The following OXR1 variants were observed in gnomAD, a reference collection of about 807,000 sequenced individuals.
OXR1 encodes the protein oxidation resistance 1.
In OXR1, 41 loss-of-function variants were observed where a neutral mutation model predicts 104.6. The observed-to-expected ratio is 0.39, with a 90% confidence interval of 0.31 to 0.51. The LOEUF (loss-of-function observed/expected upper bound fraction) is 0.51. Among genes scored for constraint, OXR1 ranks in the 20% least tolerant of loss-of-function variants. OXR1 has a pLI of 0.77. For synonymous variants in OXR1, 348 were observed against 348.4 expected (o/e 1.00, Z 0.01); for missense variants, 955 against 1,031.9 (o/e 0.93, Z 1.02).
chr8:106,314,453 T>C (rs1813842241), intron 1 of OXR1, among the ~76,000 whole-genome samples: 1 of 152,198 alleles, frequency 6.6e-6, no homozygotes, highest in South Asian at 2.1e-4. Context: ...TAATTACTTC[T>C]ATATATAAGA....
chr8:106,744,762 A>G (rs1378757863), intron 15 of OXR1, among the ~76,000 whole-genome samples: 1 of 152,220 alleles, frequency 6.6e-6, no homozygotes, highest in Non-Finnish European at 1.5e-5. Context: ...TCTCGGGCAC[A>G]TTGGAGTGTG....
At chr8:106,682,337 C>T (rs1158637601) in intron 4 of OXR1, among the ~76,000 whole-genome samples, 3 of 145,880 alleles carry the variant, frequency 2.1e-5, no homozygotes, top group Non-Finnish European at 4.5e-5. Flanking sequence ...GGCGCAATCT[C>T]GGCTCACTGC....
intron 2 of OXR1, among the ~76,000 whole-genome samples, chr8:106,387,447 C>T (rs1031184236): frequency 3.3e-5 from 5 of 152,276 alleles, no homozygotes; most frequent in South Asian, 2.1e-4. Flanking sequence ...CCTCATGCTA[C>T]GTTCTCATGG....
intron 3 of OXR1, chr8:106,605,218 T>C (rs199739989): frequency 6.6e-6 from 1 of 152,216 alleles, no homozygotes; most frequent in East Asian, 1.9e-4. Flanking sequence ...AAATCTGTAA[T>C]ATTTTATACT....
At chr8:106,584,864 C>A (rs187865861) in intron 3 of OXR1, among the ~76,000 whole-genome samples, 4 of 152,146 alleles carry the variant, frequency 2.6e-5, no homozygotes, top group Admixed American at 2.6e-4. Context: ...TAGGCTGGTG[C>A]AGGTCTGAGA....
chr8:106,675,418 C>A (rs1275844635), intron 3 of OXR1, among the ~76,000 whole-genome samples: 2 of 152,128 alleles, frequency 1.3e-5, no homozygotes, highest in Non-Finnish European at 2.9e-5. Context: ...ATATATGGGG[C>A]ATTTACAAAA....
rs188139646 is a variant in OXR1, at chr8:106,750,528, C to T, written c.2487-278C>T. 2.6e-4 allele frequency among the ~76,000 whole-genome samples: 40 copies of T among 151,872 alleles called. 1 individual carries two copies. The highest frequency in any genetic ancestry group is 2.5e-3 in the Admixed American group (38 of 15,236). ...ATTTTTTAGTAGAGACAGGGTTTCT[C>T]CATGTTGGTCAGGCTGGTCTTGAAC... is the stretch of plus-strand genomic sequence containing the variant. On this transcript the variant is annotated intron_variant, in intron 16 of 16. Transcript: ENST00000517566.
chr8:106,286,014 A>G (rs1367959579), intron 1 of OXR1, among the ~76,000 whole-genome samples: 1 of 149,582 alleles, frequency 6.7e-6, no homozygotes, highest in Non-Finnish European at 1.5e-5. Context: ...AATGTGACCT[A>G]TCCAGCCAAA....
At chr8:106,685,205 A>G (rs1828578309) in intron 6 of OXR1, among the ~76,000 whole-genome samples, 1 of 152,226 alleles carries the variant, frequency 6.6e-6, no homozygotes, top group Non-Finnish European at 1.5e-5. Context: ...GGTAGGTATT[A>G]CTTACCAAAT....
At chr8:106,518,081 A>T (rs115838285) in intron 2 of OXR1, among the ~76,000 whole-genome samples, 1,810 of 152,340 alleles carry the variant, frequency 0.012, 36 homozygotes, top group African/African-American at 0.041. Context: ...AGGGAAGCCA[A>T]CGTACTAGAA....
At chr8:106,555,940 A>ATATC (rs1225588811) in intron 3 of OXR1, among the ~76,000 whole-genome samples, 33 of 86,732 alleles carry the variant, frequency 3.8e-4, no homozygotes, top group Non-Finnish European at 6.3e-4. Context: ...ACATATATAT[A>ATATC]TATATATACA....
chr8:106,704,586 C>A (rs1375107880), intron 8 of OXR1, among the ~76,000 whole-genome samples: 1 of 151,430 alleles, frequency 6.6e-6, no homozygotes, highest in Admixed American at 6.6e-5. Flanking sequence ...TTAGTAGAGA[C>A]GGGGTTTCAT....
rs900302682 is a variant in OXR1, at chr8:106,751,884, T to C, written c.*943T>C. On this transcript the variant is annotated 3_prime_UTR_variant, in exon 17 of 17. Coordinates refer to ENST00000517566, the MANE Select transcript of OXR1 (RefSeq NM_001198533.2). ...TTCAAAAGGAAAAAAAAAATTGTGA[T>C]TTTCTTTGAGTGGTATATGTTATTA... 3.3e-5 allele frequency: 5 copies of C among 152,464 alleles called. No homozygotes were observed. The highest frequency in any genetic ancestry group is 7.4e-5 in the Non-Finnish European group (5 of 67,944). The allele number at this position is 152,464 out of a possible 1,614,324, so 9.4% of individuals were successfully genotyped here.
rs143825228 is a variant in OXR1, at chr8:106,655,389, T to G, written c.221-23821T>G. On this transcript the variant is annotated intron_variant, in intron 3 of 16. Transcript: ENST00000517566. ...CAAGCTTTTTTTAAGGCTGAGTGAC[T>G]TATGTGGCTGATAGAGGAAGGATAA... Among the ~76,000 whole-genome samples the G allele has an allele frequency of 8.6e-3, 1,303 of 152,008 alleles. 21 individuals carry two copies. Among genetic ancestry groups the G allele is most frequent in the South Asian group, 0.049 (234 of 4,796 alleles).
chr8:106,497,021 A>G (rs1277702464), intron 2 of OXR1, among the ~76,000 whole-genome samples: 2 of 152,206 alleles, frequency 1.3e-5, no homozygotes, highest in Non-Finnish European at 2.9e-5. Context: ...ACGGGAGGAA[A>G]GCACAAAAGT....
In OXR1 at chr8:106,559,201, A is replaced by G. The variant is rs954715642; in HGVS notation, c.220+40062A>G. ...ATTCAGCCAGGTTCTTTGTCACTTT[A>G]TAACAAGGATGGACTTTCCTCCAGC... is the stretch of plus-strand genomic sequence containing the variant. On this transcript the variant is annotated intron_variant, in intron 3 of 16. Coordinates refer to ENST00000517566, the MANE Select transcript of OXR1 (RefSeq NM_001198533.2). 9.2e-5 allele frequency among the ~76,000 whole-genome samples: 14 copies of G among 152,318 alleles called. No individual in the cohort carries two copies. The East Asian group carries it at 2.5e-3, about 27-fold the overall frequency.
chr8:106,274,725 A>G (rs1811966375), intron 1 of OXR1, among the ~76,000 whole-genome samples: 1 of 150,750 alleles, frequency 6.6e-6, no homozygotes, highest in South Asian at 2.1e-4. Flanking sequence ...TTTGTTTTTC[A>G]CAAAGGCAAC....
At position 106,538,458 on chromosome 8, in the gene OXR1, T is replaced by C. The variant is rs75205563; in HGVS notation, c.220+19319T>C. Among the ~76,000 whole-genome samples, 27 of 152,284 alleles carry C rather than the reference T, an allele frequency of 1.8e-4. No homozygotes were observed. In the East Asian group the frequency reaches 2.3e-3, roughly 13 times the overall value. ...ATCATCTCTTTTCTACTATTTTTTTTCCCCTCCCATTAAGTTTTGTTGTTC... is the reference window on the plus strand; with the variant it reads ...ATCATCTCTTTTCTACTATTTTTTTCCCCCTCCCATTAAGTTTTGTTGTTC... On this transcript the variant is annotated intron_variant, in intron 3 of 16. Transcript: ENST00000517566.
At chr8:106,746,215 C>G (rs1835381179) in intron 16 of OXR1, among the ~76,000 whole-genome samples, 1 of 70,676 alleles carries the variant, frequency 1.4e-5, no homozygotes, top group Non-Finnish European at 2.8e-5. Flanking sequence ...TTTATTTCTC[C>G]CAATGCATAG....
Sources: allele counts gnomAD v4.1 joint callset (sites outside exome capture counted in the v4.1 genomes callset), GRCh38; gene constraint gnomAD v4.1.1; transcripts MANE v1.5; gene names NCBI Gene and HGNC (gene_info 2026-07-23, HGNC 2026-07-21).